FRYL: variants seen among roughly 807,000 people sequenced by gnomAD.
FRYL encodes the protein FRY like transcription coactivator.
In FRYL, 150 loss-of-function variants were observed where a neutral mutation model predicts 351.2. The observed-to-expected ratio is 0.43, with a 90% CI of 0.37 to 0.49. The LOEUF (loss-of-function observed/expected upper bound fraction) is 0.49. Among genes scored for constraint, FRYL ranks in the 20% least tolerant of loss-of-function variants. The pLI is 0.00. For synonymous variants in FRYL, 1,153 were observed against 1,257.1 expected, an observed-to-expected ratio of 0.92 and a Z score of 1.75; for missense variants, 3,036 against 3,619.3, an observed-to-expected ratio of 0.84 and a Z score of 4.13.
intron 43 of FRYL, among the ~76,000 whole-genome samples, chr4:48,544,323 T>C (rs1171212334): frequency 6.6e-6 from 1 of 152,134 alleles, no homozygotes. Context: ...ATACCAGTAG[T>C]AACCCCTTGC....
chr4:48,500,311 T>C (rs759080724), intron 62 of FRYL, 91 bp from the exon 63 acceptor site: 33 of 688,740 alleles, frequency 4.8e-5, no homozygotes, highest in South Asian at 8.5e-5. Flanking sequence ...GGCAGTAGCA[T>C]TGTTGCTCTT....
At chr4:48,754,888 C>G (rs1459160404) in intron 1 of FRYL, among the ~76,000 whole-genome samples, 1 of 152,074 alleles carries the variant, frequency 6.6e-6, no homozygotes, top group Non-Finnish European at 1.5e-5. Context: ...GTGATCCACC[C>G]GCCTTGGCCT....
At chr4:48,501,440 G>C (rs1260486950) in intron 62 of FRYL, among the ~76,000 whole-genome samples, 183 bp downstream of exon 62, 1 of 152,108 alleles carries the variant, frequency 6.6e-6, no homozygotes, top group Non-Finnish European at 1.5e-5. Context: ...CTGGATATCT[G>C]CTGTCTTATT....
chr4:48,744,643 C>G (rs1772465504), intron 1 of FRYL, among the ~76,000 whole-genome samples: 1 of 152,198 alleles, frequency 6.6e-6, no homozygotes, highest in Non-Finnish European at 1.5e-5. Context: ...AGAAATGTCT[C>G]AGTTAACAGT....
intron 59 of FRYL, among the ~76,000 whole-genome samples, chr4:48,508,472 G>A (rs1301249513): frequency 6.6e-6 from 1 of 152,136 alleles, no homozygotes; most frequent in Non-Finnish European, 1.5e-5. Flanking sequence ...CATATCTTTA[G>A]ACAGATTTAT....
chr4:48,695,713 C>G (rs538463570), intron 2 of FRYL, among the ~76,000 whole-genome samples: 1 of 152,194 alleles, frequency 6.6e-6, no homozygotes, highest in Non-Finnish European at 1.5e-5. Context: ...TTCTCTACAT[C>G]AAAAGAAACT....
chr4:48,501,122 G>A (rs1433505894), intron 62 of FRYL, among the ~76,000 whole-genome samples: 17 of 143,642 alleles, frequency 1.2e-4, no homozygotes, highest in African/African-American at 2.5e-4. Context: ...ATAGAAATAC[G>A]AACAACATGT....
rs71191256 is a variant in FRYL, at chr4:48,742,973, ATTTTT to A, written c.-383-32280_-383-32276del. On this transcript the variant is annotated intron_variant, in intron 1 of 63. Transcript: ENST00000358350. ...AGGTGTGCGCCACCACGCCTGGATA[ATTTTT>A]TTTTTTTTTTTTTTTTTTTTACTAG... 2.6e-3 allele frequency among the ~76,000 whole-genome samples: 213 copies of A among 81,750 alleles called. 1 individual carries two copies. Among genetic ancestry groups the A allele is most frequent in the African/African-American group, 8.5e-3 (190 of 22,394 alleles). The allele number at this position is 81,750 out of a possible 152,430, so 53.6% of individuals were successfully genotyped here. A position where few individuals can be genotyped will look rare whatever the true frequency, so the allele number is the denominator to read the frequency against.
chr4:48,498,071 CTTTTT>C lies in FRYL; in HGVS notation c.*1346_*1350del, dbSNP rs59265109. ...AAATCAGGAGTTGTGGGACTACATT[CTTTTT>C]TTTTTTTTTTCTTTCTTTTCTTACA... On this transcript the variant is annotated 3_prime_UTR_variant, in exon 64 of 64. Coordinates refer to ENST00000358350, the MANE Select transcript of FRYL (RefSeq NM_015030.2). 4 of 139,820 alleles carry C rather than the reference CTTTTT, an allele frequency of 2.9e-5. No individual in the cohort carries two copies. The highest frequency in any genetic ancestry group is 1.0e-4 in the African/African-American group (4 of 38,280). 8.7% of individuals were successfully genotyped at this position (139,820 alleles called of 1,614,324 possible).
intron 3 of FRYL, among the ~76,000 whole-genome samples, chr4:48,671,113 T>C (rs1217677071): frequency 6.6e-6 from 1 of 152,214 alleles, no homozygotes; most frequent in African/African-American, 2.4e-5. Context: ...CAGCGTTTGT[T>C]ACTGCCTGTC....
Position 48,547,588 on chromosome 4 carries a change from G to A in FRYL, c.5070C>T (p.Phe1690=), listed in dbSNP as rs1731637418. ...VKQVAHLDYN[F]TAGINDFIPD... ...TTGTACATTTAAAGCAAATACCTGT[G>A]AAATTATAATCTAAGTGTGCAACTT... The change falls in exon 41 of 64, where the codon TTC becomes TTT. Residue 1690 remains phenylalanine (F), a synonymous_variant. Coordinates refer to ENST00000358350, the MANE Select transcript of FRYL (RefSeq NM_015030.2). 6.5e-7 allele frequency: 1 copy of A among 1,529,438 alleles called. No individual in the cohort carries two copies. The highest frequency in any genetic ancestry group is 2.3e-5 in the East Asian group (1 of 43,710). 94.7% of individuals were successfully genotyped at this position (1,529,438 alleles called of 1,614,324 possible).
chr4:48,500,339 G>A, intron 62 of FRYL, 119 bp from the exon 63 acceptor site: 1 of 569,264 alleles, frequency 1.8e-6, no homozygotes, highest in East Asian at 3.2e-5. Flanking sequence ...ATTTTAAAAT[G>A]TTTGTCTTGG....
At position 48,557,066 on chromosome 4, in the gene FRYL, G is replaced by C; in HGVS notation, c.4178C>G (p.Ala1393Gly). ...SEVENVWTTL[A>G]DGWPKNLKII... ...TTTCAGGTTTTTGGGCCAGCCATCT[G>C]CAAGTGTGGTCCACACATTCTCCAC... Residue 1393 changes from alanine to glycine, a missense_variant, in exon 35 of 64, where the codon GCA (alanine) becomes GGA (glycine). Around this residue, in one of 7 missense-constraint regions of FRYL, gnomAD observed 1,987 missense variants for 2,311.7 expected, o/e 0.86. Transcript: ENST00000358350. 6.2e-7 allele frequency: 1 copy of C among 1,607,544 alleles called. No homozygotes were observed. The highest frequency in any genetic ancestry group is 8.5e-7 in the Non-Finnish European group (1 of 1,177,072).
chr4:48,553,077 C>T, intron 36 of FRYL, 138 bp downstream of exon 36: 19 of 582,940 alleles, frequency 3.3e-5, no homozygotes, highest in Non-Finnish European at 4.6e-5. Context: ...TTGTTTTTTT[C>T]TTTTAATAAA....
At chr4:48,729,966 A>C (rs1373496958) in intron 1 of FRYL, among the ~76,000 whole-genome samples, 2 of 152,170 alleles carry the variant, frequency 1.3e-5, no homozygotes, top group African/African-American at 4.8e-5. Context: ...AACCCATCGC[A>C]AGGAAGCTAA....
chr4:48,772,327 A>C lies in FRYL; in HGVS notation c.-384+7751T>G, dbSNP rs114689612. Among the ~76,000 whole-genome samples, 701 of 152,308 alleles carry C rather than the reference A, an allele frequency of 4.6e-3. 4 individuals carry two copies. Among genetic ancestry groups the C allele is most frequent in the African/African-American group, 0.016 (661 of 41,562 alleles). ...CATGAGACCTGCCGGTAAAGGCCAC[A>C]GTGAGCCGTGATTGCACCACTGCAC... On this transcript the variant is annotated intron_variant, in intron 1 of 63. Transcript: ENST00000358350.
intron 3 of FRYL, among the ~76,000 whole-genome samples, chr4:48,649,400 T>C (rs1757198017): frequency 6.6e-6 from 1 of 152,224 alleles, no homozygotes; most frequent in South Asian, 2.1e-4. Flanking sequence ...ATTTTATGTC[T>C]GTGATAAAAA....
Position 48,658,847 on chromosome 4 carries a change from AT to A in FRYL, c.-80-24358del, listed in dbSNP as rs577157514. 7.0e-4 allele frequency among the ~76,000 whole-genome samples: 53 copies of A among 75,964 alleles called. No homozygotes were observed. In the East Asian group the frequency reaches 0.019, roughly 27 times the overall value. 49.8% of individuals were successfully genotyped at this position (75,964 alleles called of 152,430 possible). A position where few individuals can be genotyped will look rare whatever the true frequency, so the allele number is the denominator to read the frequency against. Reference sequence around the variant, plus strand: ...ATGTAATTACCACCACACATGAAATATAAACAAGAAAAAAAAAACATTTGTA... The same window carrying A: ...ATGTAATTACCACCACACATGAAATAAAACAAGAAAAAAAAAACATTTGTA... On this transcript the variant is annotated intron_variant, in intron 3 of 63. Transcript: ENST00000358350.
chr4:48,739,170 G>C (rs1156814861), intron 1 of FRYL, among the ~76,000 whole-genome samples: 1 of 152,086 alleles, frequency 6.6e-6, no homozygotes, highest in East Asian at 1.9e-4. Flanking sequence ...GGAGGCCCAG[G>C]CAGGTGGATC....
Sources: allele counts gnomAD v4.1 joint callset (sites outside exome capture counted in the v4.1 genomes callset), GRCh38; gene constraint gnomAD v4.1.1; regional missense constraint gnomAD v4.1.1; transcripts MANE v1.5; gene names NCBI Gene and HGNC (gene_info 2026-07-23, HGNC 2026-07-21).